Variants in SCGN observed in about 807,000 individuals in gnomAD.
SCGN encodes the protein secretagogin.
In SCGN, 30 loss-of-function variants were observed where a neutral mutation model predicts 39.7. That is an observed-to-expected ratio of 0.76 (90% CI 0.57 to 1.03). SCGN has a LOEUF of 1.03. SCGN is among the 50% of genes least tolerant of loss of function. SCGN has a pLI of 0.00. For missense variants in SCGN, 353 were observed against 349.4 expected, an observed-to-expected ratio of 1.01 and a Z score of -0.08; for synonymous variants, 106 against 114.1, an observed-to-expected ratio of 0.93 and a Z score of 0.45.
chr6:25,661,186 A>T (rs1248907923), intron 2 of SCGN, among the ~76,000 whole-genome samples: 1 of 152,194 alleles, frequency 6.6e-6, no homozygotes, highest in Non-Finnish European at 1.5e-5. Context: ...AAAATGTAAA[A>T]TCTCTGAGTT....
At chr6:25,664,405 T>C (rs759023888) in intron 3 of SCGN, among the ~76,000 whole-genome samples, 23 of 152,206 alleles carry the variant, frequency 1.5e-4, no homozygotes, top group Non-Finnish European at 8.8e-5. Context: ...ACACACTAAT[T>C]ACAAAACTTT....
intron 6 of SCGN, among the ~76,000 whole-genome samples, chr6:25,677,330 A>G (rs1759577329): frequency 6.6e-6 from 1 of 152,152 alleles, no homozygotes; most frequent in Admixed American, 6.5e-5. Context: ...TGGCTCTTCA[A>G]TTACAATTGT....
intron 6 of SCGN, among the ~76,000 whole-genome samples, chr6:25,673,249 G>A (rs1759523270): frequency 6.6e-6 from 1 of 152,090 alleles, no homozygotes; most frequent in Non-Finnish European, 1.5e-5. Flanking sequence ...TCAGCATTTT[G>A]TACAGACCTA....
chr6:25,688,359 C>T (rs1759731325), intron 7 of SCGN, among the ~76,000 whole-genome samples: 1 of 152,154 alleles, frequency 6.6e-6, no homozygotes, highest in Non-Finnish European at 1.5e-5. Flanking sequence ...GAAGTCTCTG[C>T]TAGGTTAGTT....
intron 7 of SCGN, among the ~76,000 whole-genome samples, chr6:25,682,515 CT>C (rs1015098441): frequency 1.3e-5 from 2 of 152,166 alleles, no homozygotes; most frequent in Admixed American, 1.3e-4. Flanking sequence ...AAAATGTTGT[CT>C]GTGAGTCTGG....
At chr6:25,691,203 G>A in intron 10 of SCGN, 79 bp downstream of exon 10, 2 of 1,069,694 alleles carry the variant, frequency 1.9e-6, no homozygotes, top group Admixed American at 1.9e-5. Flanking sequence ...GAATCAGTGA[G>A]ACTGAAGGTT....
At chr6:25,676,775 C>T (rs993407601) in intron 6 of SCGN, among the ~76,000 whole-genome samples, 6 of 59,022 alleles carry the variant, frequency 1.0e-4, no homozygotes, top group African/African-American at 2.5e-4. Context: ...TATTTTCCAT[C>T]CCCTCTTCCA....
chr6:25,661,643 A>C lies in SCGN; in HGVS notation c.245A>C (p.Glu82Ala). 6.2e-7 allele frequency: 1 copy of C among 1,606,092 alleles called. No individual in the cohort carries two copies. Among genetic ancestry groups the C allele is most frequent in the East Asian group, 2.2e-5 (1 of 44,810 alleles). The change falls in exon 3 of 11, where the codon GAG becomes GCG. Residue 82 changes from glutamate (E) to alanine (A), a missense_variant and splice_region_variant. Glu to Ala is a moderately radical substitution (Grantham distance 107, BLOSUM62 -1). Transcript: ENST00000377961. ...ASKDGRIRMK[E>A]LAGMFLSEDE... ...AAAGATGGTCGCATTCGGATGAAAG[A>C]GGTAACTTTACTGACAGTATTTTTC...
chr6:25,695,130 C>T (rs111732759), intron 10 of SCGN, among the ~76,000 whole-genome samples: 4,545 of 152,218 alleles, frequency 0.03, 206 homozygotes, highest in African/African-American at 0.094. Flanking sequence ...TCAAAACACC[C>T]CATTCCCCAA....
chr6:25,669,268 A>G (rs2064126), intron 4 of SCGN, among the ~76,000 whole-genome samples: 44,003 of 152,030 alleles, frequency 0.29, 6,492 homozygotes, highest in African/African-American at 0.35. Flanking sequence ...ATGAAAGCCC[A>G]CTCAATGGGC....
intron 7 of SCGN, 45 bp downstream of exon 7, chr6:25,682,051 T>C: frequency 7.0e-7 from 1 of 1,419,098 alleles, no homozygotes; most frequent in Non-Finnish European, 1.0e-6. Flanking sequence ...AATACCTTAC[T>C]AGGGGTCTGA....
At chr6:25,664,912 T>A (rs1392179008) in intron 3 of SCGN, 31 bp from the exon 4 acceptor site, 2 of 1,558,588 alleles carry the variant, frequency 1.3e-6, no homozygotes, top group African/African-American at 1.4e-5. Context: ...CTGGCCAGTG[T>A]CCCTGACTGT....
chr6:25,700,169 C>CG (rs1759891685), intron 10 of SCGN, among the ~76,000 whole-genome samples: 1 of 140,298 alleles, frequency 7.1e-6, no homozygotes, highest in Admixed American at 8.0e-5. Flanking sequence ...CGCTTGAACC[C>CG]GGGAGACGGT....
chr6:25,657,362 A>G (rs4712950), intron 2 of SCGN, among the ~76,000 whole-genome samples: 18,689 of 152,186 alleles, frequency 0.12, 1,453 homozygotes, highest in South Asian at 0.18. Flanking sequence ...GCAACATGCC[A>G]TTTAAACCTC....
chr6:25,666,980 C>T (rs1760434696), intron 4 of SCGN, among the ~76,000 whole-genome samples: 1 of 151,944 alleles, frequency 6.6e-6, no homozygotes. Context: ...ATAGACTGCC[C>T]AAGTGTATAG....
intron 7 of SCGN, among the ~76,000 whole-genome samples, chr6:25,688,835 A>T (rs2151382257): frequency 7.2e-6 from 1 of 139,428 alleles, no homozygotes; most frequent in Non-Finnish European, 1.6e-5. Flanking sequence ...CAGAATAAAC[A>T]CTCCCCAGAT....
chr6:25,663,813 A>G (rs1216230766), intron 3 of SCGN, among the ~76,000 whole-genome samples: 1 of 152,188 alleles, frequency 6.6e-6, no homozygotes, highest in Non-Finnish European at 1.5e-5. Context: ...GGCACTCAAC[A>G]TCTGATAGTT....
chr6:25,658,388 A>G (rs756635462), intron 2 of SCGN, among the ~76,000 whole-genome samples: 3 of 151,874 alleles, frequency 2.0e-5, no homozygotes, highest in Non-Finnish European at 4.4e-5. Flanking sequence ...CCCATTTATA[A>G]TCACCATATG....
chr6:25,652,614 T>TA, intron 1 of SCGN, 129 bp downstream of exon 1: 1 of 701,530 alleles, frequency 1.4e-6, no homozygotes, highest in Non-Finnish European at 2.4e-6. Flanking sequence ...GCAGTGTACC[T>TA]AATACAGTAT....
Sources: allele counts gnomAD v4.1 joint callset (sites outside exome capture counted in the v4.1 genomes callset), GRCh38; gene constraint gnomAD v4.1.1; transcripts MANE v1.5; gene names NCBI Gene and HGNC (gene_info 2026-07-23, HGNC 2026-07-21).